FA2H: variants seen among roughly 807,000 people sequenced by gnomAD.
FA2H encodes fatty acid alpha-hydroxylase.
A neutral mutation model predicts 44.9 loss-of-function variants in FA2H; 22 were observed. The ratio of observed to expected loss-of-function variants is 0.49; its 90% CI spans 0.35 to 0.70. FA2H has a LOEUF of 0.70. FA2H is among the 30% of genes least tolerant of loss of function. The probability of loss-of-function intolerance (pLI) is 0.01; values close to 1 mark genes in which losing one functional copy is unlikely to be tolerated. For missense variants in FA2H, 501 were observed against 504.9 expected (o/e 0.99, Z 0.07); for synonymous variants, 243 against 213.2 (o/e 1.14, Z -1.22).
At chr16:74,742,949 T>C (rs1962343543) in intron 1 of FA2H, among the ~76,000 whole-genome samples, 1 of 152,218 alleles carries the variant, frequency 6.6e-6, no homozygotes, top group South Asian at 2.1e-4. Flanking sequence ...GGCAGTTCTT[T>C]CCAAGGAAGG....
At chr16:74,762,727 A>C (rs1026760731) in intron 1 of FA2H, among the ~76,000 whole-genome samples, 1 of 152,014 alleles carries the variant, frequency 6.6e-6, no homozygotes, top group Non-Finnish European at 1.5e-5. Flanking sequence ...ATGGGGTTTC[A>C]CCATATTGGT....
chr16:74,756,900 A>AC (rs397800493), intron 1 of FA2H, among the ~76,000 whole-genome samples: 3,453 of 151,008 alleles, frequency 0.023, 137 homozygotes, highest in African/African-American at 0.08. Context: ...AAACAAACAC[A>AC]AGAAAAACAC....
At chr16:74,743,431 C>A (rs567180245) in intron 1 of FA2H, among the ~76,000 whole-genome samples, 1 of 152,174 alleles carries the variant, frequency 6.6e-6, no homozygotes, top group Admixed American at 6.5e-5. Flanking sequence ...ATGAAGAAAC[C>A]GGAGGAGTCC....
chr16:74,765,310 C>T (rs1263656250), intron 1 of FA2H, among the ~76,000 whole-genome samples: 1 of 152,078 alleles, frequency 6.6e-6, no homozygotes, highest in South Asian at 2.1e-4. Context: ...GCATGCGCCA[C>T]CACACCTGGC....
At chr16:74,732,007 G>A (rs1455389732) in intron 2 of FA2H, among the ~76,000 whole-genome samples, 1 of 152,122 alleles carries the variant, frequency 6.6e-6, no homozygotes, top group Admixed American at 6.5e-5. Context: ...CGAGTAGCTG[G>A]GACTATAGGC....
intron 2 of FA2H, among the ~76,000 whole-genome samples, 199 bp from the exon 3 acceptor site, chr16:74,727,585 C>T (rs115913481): frequency 2.0e-5 from 3 of 152,194 alleles, no homozygotes; most frequent in Non-Finnish European, 4.4e-5. Context: ...CAATAGGATC[C>T]GGTAAAGGTT....
intron 1 of FA2H, among the ~76,000 whole-genome samples, chr16:74,764,605 A>T (rs1382359045): frequency 1.3e-5 from 2 of 152,210 alleles, no homozygotes; most frequent in African/African-American, 4.8e-5. Context: ...AGGAGCAGGA[A>T]ACATAACTAA....
intron 1 of FA2H, among the ~76,000 whole-genome samples, chr16:74,748,180 C>T (rs1962461072): frequency 6.6e-6 from 1 of 152,256 alleles, no homozygotes; most frequent in Non-Finnish European, 1.5e-5. Flanking sequence ...CCTTGTTCCC[C>T]TTCTTTAGGG....
At chr16:74,771,070 A>G (rs899803048) in intron 1 of FA2H, among the ~76,000 whole-genome samples, 1 of 152,162 alleles carries the variant, frequency 6.6e-6, no homozygotes, top group African/African-American at 2.4e-5. Flanking sequence ...AGGACGAGCC[A>G]CACCCTAAGG....
At chr16:74,729,583 A>G (rs758962967) in intron 2 of FA2H, among the ~76,000 whole-genome samples, 1 of 152,162 alleles carries the variant, frequency 6.6e-6, no homozygotes, top group Non-Finnish European at 1.5e-5. Context: ...TAGGGATGCA[A>G]GCTCAGAAAA....
intron 5 of FA2H, among the ~76,000 whole-genome samples, chr16:74,718,363 A>C (rs1231462620): frequency 6.6e-6 from 1 of 152,176 alleles, no homozygotes; most frequent in African/African-American, 2.4e-5. Flanking sequence ...ACAGAGAAGC[A>C]GCGGGGGGTA....
At chr16:74,748,306 C>T (rs916946708) in intron 1 of FA2H, among the ~76,000 whole-genome samples, 20 of 152,322 alleles carry the variant, frequency 1.3e-4, no homozygotes, top group African/African-American at 3.6e-4. Flanking sequence ...CCCCACCCCC[C>T]ACGTGGCAGC....
intron 1 of FA2H, 98 bp downstream of exon 1, chr16:74,774,388 C>T (rs1030248629): frequency 3.8e-5 from 47 of 1,231,360 alleles, no homozygotes; most frequent in South Asian, 1.0e-4. Flanking sequence ...GAAGCTGTCA[C>T]CTTGGGTCCT....
At chr16:74,774,328 G>C (rs1280486374) in intron 1 of FA2H, among the ~76,000 whole-genome samples, 158 bp downstream of exon 1, 1 of 152,146 alleles carries the variant, frequency 6.6e-6, no homozygotes, top group East Asian at 1.9e-4. Flanking sequence ...GGGGACGACA[G>C]TGACCTGTTG....
chr16:74,723,679 C>A (rs1340568715), intron 4 of FA2H, among the ~76,000 whole-genome samples: 1 of 152,120 alleles, frequency 6.6e-6, no homozygotes, highest in Admixed American at 6.5e-5. Flanking sequence ...TCCAGAGAAA[C>A]CCTGATACCT....
chr16:74,719,063 C>G lies in FA2H; in HGVS notation c.711G>C (p.Leu237=). ...SLIEYLIHRF[L]FHMKPPSDSY... ...TGTCGCTGGGGGGCTTCATGTGGAACAGGAAGCGGTGGATGAGGTACTCGA... is the reference window on the plus strand; with the variant it reads ...TGTCGCTGGGGGGCTTCATGTGGAAGAGGAAGCGGTGGATGAGGTACTCGA... Residue 237 remains leucine, a synonymous_variant, in exon 5 of 7, where the codon CTG becomes CTC. Coordinates refer to ENST00000219368, the MANE Select transcript of FA2H (RefSeq NM_024306.5). 1.9e-6 allele frequency: 3 copies of G among 1,614,054 alleles called. No homozygotes were observed. The highest frequency in any genetic ancestry group is 2.5e-6 in the Non-Finnish European group (3 of 1,180,030).
chr16:74,754,138 G>A (rs1250123418), intron 1 of FA2H, among the ~76,000 whole-genome samples: 1 of 152,224 alleles, frequency 6.6e-6, no homozygotes, highest in Non-Finnish European at 1.5e-5. Flanking sequence ...GCTCACGCCT[G>A]TAATTGCAGC....
At chr16:74,758,101 T>G in intron 1 of FA2H, among the ~76,000 whole-genome samples, 2 of 146,914 alleles carry the variant, frequency 1.4e-5, no homozygotes, top group Admixed American at 6.9e-5. Flanking sequence ...GGGACTAGAG[T>G]GAGAGGGAAA....
intron 2 of FA2H, among the ~76,000 whole-genome samples, chr16:74,727,979 C>G (rs534115597): frequency 6.6e-6 from 1 of 152,188 alleles, no homozygotes; most frequent in Non-Finnish European, 1.5e-5. Flanking sequence ...GAAGAATCAA[C>G]AGGAATGAAA....
Sources: allele counts gnomAD v4.1 joint callset (sites outside exome capture counted in the v4.1 genomes callset), GRCh38; gene constraint gnomAD v4.1.1; transcripts MANE v1.5; gene names NCBI Gene and HGNC (gene_info 2026-07-23, HGNC 2026-07-21).